Variants in DNM3 observed in about 807,000 individuals in gnomAD.
The protein encoded by DNM3 is dynamin 3.
A neutral mutation model predicts 101.6 loss-of-function variants in DNM3; 47 were observed. That is an observed-to-expected ratio of 0.46 (90% CI 0.37 to 0.59). DNM3 has a LOEUF of 0.59. Among genes scored for constraint, DNM3 ranks in the 20% least tolerant of loss-of-function variants. The pLI, the probability that DNM3 is intolerant of heterozygous loss-of-function variation, is 0.00. For synonymous variants in DNM3, 385 were observed against 387.9 expected (o/e 0.99, Z 0.09); for missense variants, 849 against 1,085.7 (o/e 0.78, Z 3.06).
intron 13 of DNM3, among the ~76,000 whole-genome samples, chr1:172,110,707 A>G (rs959948689): frequency 6.6e-6 from 1 of 152,230 alleles, no homozygotes; most frequent in Non-Finnish European, 1.5e-5. Context: ...TGACTATTTC[A>G]GTTTTCCATC....
intron 1 of DNM3, among the ~76,000 whole-genome samples, chr1:171,870,146 C>T (rs1181275464): frequency 1.3e-5 from 2 of 152,200 alleles, no homozygotes; most frequent in South Asian, 2.1e-4. Flanking sequence ...AATACTAGCA[C>T]GTTTGCTATT....
chr1:172,040,120 C>T (rs776241542), intron 7 of DNM3, among the ~76,000 whole-genome samples: 43 of 152,076 alleles, frequency 2.8e-4, no homozygotes, highest in Non-Finnish European at 4.7e-4. Context: ...CATTTGTTCT[C>T]GGATTAGTAA....
chr1:172,232,454 C>G (rs1180148256), intron 14 of DNM3, among the ~76,000 whole-genome samples: 3 of 152,074 alleles, frequency 2.0e-5, no homozygotes, highest in Admixed American at 6.6e-5. Flanking sequence ...CTTTAACACC[C>G]CACTGTCAAC....
intron 14 of DNM3, among the ~76,000 whole-genome samples, chr1:172,196,250 C>G (rs776669464): frequency 6.6e-6 from 1 of 151,920 alleles, no homozygotes; most frequent in African/African-American, 2.4e-5. Flanking sequence ...TTTTTTATGG[C>G]TGCATAGTAT....
chr1:172,328,021 T>A (rs2066011411), intron 17 of DNM3, among the ~76,000 whole-genome samples: 1 of 152,094 alleles, frequency 6.6e-6, no homozygotes, highest in Admixed American at 6.6e-5. Flanking sequence ...TAGAAGCAAA[T>A]TGGAATCTAT....
chr1:172,405,741 C>T (rs1274111659), intron 20 of DNM3, among the ~76,000 whole-genome samples: 1 of 151,956 alleles, frequency 6.6e-6, no homozygotes, highest in Non-Finnish European at 1.5e-5. Flanking sequence ...GCTAAGAATA[C>T]ATTTCCATAG....
intron 2 of DNM3, among the ~76,000 whole-genome samples, chr1:171,944,888 G>T (rs2042073854): frequency 2.9e-5 from 3 of 103,198 alleles, no homozygotes; most frequent in African/African-American, 4.0e-5. Context: ...TTTTGAGGCA[G>T]GGTCTCACTC....
At position 172,410,756 on chromosome 1, in the gene DNM3, A is replaced by G. The variant is rs1318840916; in HGVS notation, c.*2915A>G. 1.1e-5 allele frequency: 11 copies of G among 985,220 alleles called. No individual in the cohort carries two copies. Among genetic ancestry groups the G allele is most frequent in the African/African-American group, 1.7e-5 (1 of 57,242 alleles). The allele number at this position is 985,220 out of a possible 1,614,324, so 61.0% of individuals were successfully genotyped here. On this transcript the variant is annotated 3_prime_UTR_variant, in exon 21 of 21. Coordinates refer to ENST00000627582, the MANE Select transcript of DNM3 (RefSeq NM_015569.5). ...ACTCACTTTATTCTAAAGTATATTA[A>G]TGAAACCAGTTCCTGTGATGTAACT...
chr1:171,960,637 G>A (rs970556122), intron 2 of DNM3, among the ~76,000 whole-genome samples: 1 of 152,174 alleles, frequency 6.6e-6, no homozygotes, highest in African/African-American at 2.4e-5. Flanking sequence ...TTCATAAGAA[G>A]AGGAAGAGAA....
intron 2 of DNM3, among the ~76,000 whole-genome samples, chr1:171,966,830 G>A (rs1242185609): frequency 6.6e-6 from 1 of 152,196 alleles, no homozygotes; most frequent in African/African-American, 2.4e-5. Context: ...GACAGTTTGT[G>A]TGTAACCTCT....
intron 14 of DNM3, among the ~76,000 whole-genome samples, chr1:172,141,266 T>C (rs1236452730): frequency 6.6e-6 from 1 of 152,150 alleles, no homozygotes; most frequent in Non-Finnish European, 1.5e-5. Context: ...TTCTACTTAA[T>C]TTACAGAACA....
chr1:171,979,971 A>G (rs1413755024), intron 2 of DNM3, among the ~76,000 whole-genome samples: 2 of 151,694 alleles, frequency 1.3e-5, no homozygotes, highest in Non-Finnish European at 2.9e-5. Context: ...CTGATCTTAA[A>G]CCCTGGTCTC....
chr1:172,135,509 T>TTTTG (rs1022849939), intron 14 of DNM3, among the ~76,000 whole-genome samples: 2 of 152,158 alleles, frequency 1.3e-5, no homozygotes, highest in African/African-American at 2.4e-5. Context: ...TGTTTTTGTT[T>TTTTG]TTTGTTTGTT....
chr1:172,352,547 C>T (rs1288017193), intron 17 of DNM3, among the ~76,000 whole-genome samples: 1 of 152,118 alleles, frequency 6.6e-6, no homozygotes, highest in Non-Finnish European at 1.5e-5. Flanking sequence ...TAAAATTGAG[C>T]TACTGAGCAC....
At chr1:171,863,467 G>A (rs1334807751) in intron 1 of DNM3, among the ~76,000 whole-genome samples, 1 of 152,168 alleles carries the variant, frequency 6.6e-6, no homozygotes, top group Non-Finnish European at 1.5e-5. Flanking sequence ...ATGGGAATGT[G>A]AGCTTAGTAG....
chr1:172,412,787 A>ATATT (rs2149140434), downstream of DNM3: 1 of 952,118 alleles, frequency 1.1e-6, no homozygotes, highest in African/African-American at 1.8e-5. Context: ...AGACTTCTAA[A>ATATT]TATTTATAGC....
At chr1:172,108,570 A>G (rs2055234370) in intron 13 of DNM3, among the ~76,000 whole-genome samples, 1 of 152,228 alleles carries the variant, frequency 6.6e-6, no homozygotes, top group Non-Finnish European at 1.5e-5. Flanking sequence ...GAAAAAATGT[A>G]AACATGTGGA....
intron 3 of DNM3, 114 bp from the exon 4 acceptor site, chr1:171,988,831 T>C (rs2045449139): frequency 2.4e-6 from 2 of 847,952 alleles, no homozygotes; most frequent in Non-Finnish European, 3.6e-6. Context: ...CACACATGGG[T>C]TGGAGTTGTT....
chr1:172,020,157 T>C (rs947589459), intron 4 of DNM3, among the ~76,000 whole-genome samples: 1 of 152,200 alleles, frequency 6.6e-6, no homozygotes, highest in African/African-American at 2.4e-5. Flanking sequence ...AAGCATGCTG[T>C]AGTCCTGTGA....
Sources: gnomAD v4.1 joint callset for allele counts (sites outside exome capture counted in the v4.1 genomes callset) on GRCh38, gnomAD v4.1.1 for gene constraint, MANE v1.5 for transcripts, NCBI Gene and HGNC (gene_info 2026-07-23, HGNC 2026-07-21) for gene names.